The following CLSTN2 variants were observed in gnomAD, a reference collection of about 807,000 sequenced individuals.
CLSTN2 encodes the protein calsyntenin-2.
CLSTN2 carries 48 observed loss-of-function variants against 101.2 expected under a neutral mutation model. The observed-to-expected ratio is 0.47, with a 90% CI of 0.38 to 0.60. CLSTN2 has a LOEUF of 0.60. CLSTN2 is among the 20% of genes least tolerant of loss of function. The probability of loss-of-function intolerance (pLI) is 0.00; values close to 1 mark genes in which losing one functional copy is unlikely to be tolerated. For missense variants in CLSTN2, 1,160 were observed against 1,238.2 expected (o/e 0.94, Z 0.95); for synonymous variants, 481 against 463.6 (o/e 1.04, Z -0.48).
intron 2 of CLSTN2, among the ~76,000 whole-genome samples, chr3:140,197,610 T>C (rs2010662733): frequency 6.6e-6 from 1 of 152,178 alleles, no homozygotes; most frequent in Non-Finnish European, 1.5e-5. Flanking sequence ...TTACCCCTCT[T>C]ACTCTTCAGA....
At chr3:140,236,200 C>T (rs944438285) in intron 2 of CLSTN2, among the ~76,000 whole-genome samples, 4 of 152,040 alleles carry the variant, frequency 2.6e-5, no homozygotes, top group Admixed American at 2.0e-4. Context: ...ATTTTTTGTG[C>T]CATTATAAGA....
rs751138304 is a variant in CLSTN2 at position 140,563,220 on chromosome 3, G to A, written c.2482+17G>A. 1.9e-6 allele frequency: 3 copies of A among 1,612,454 alleles called. No homozygotes were observed. Among genetic ancestry groups the A allele is most frequent in the Non-Finnish European group, 2.5e-6 (3 of 1,179,124 alleles). ...ACAGTTCAGGTAGGGTGCCCAAGAGGAGGGACCCTCAGGACACAGGTCGTC... is the reference window on the plus strand; with the variant it reads ...ACAGTTCAGGTAGGGTGCCCAAGAGAAGGGACCCTCAGGACACAGGTCGTC... On this transcript the variant is annotated intron_variant, in intron 15 of 16. Coordinates refer to ENST00000458420, the MANE Select transcript of CLSTN2 (RefSeq NM_022131.3).
chr3:140,090,658 T>C (rs903741636), intron 1 of CLSTN2, among the ~76,000 whole-genome samples: 2 of 151,944 alleles, frequency 1.3e-5, no homozygotes, highest in African/African-American at 4.8e-5. Flanking sequence ...TAGGGAACAG[T>C]GAATCTCATG....
chr3:140,352,197 C>A (rs890577939), intron 2 of CLSTN2, among the ~76,000 whole-genome samples: 2 of 152,176 alleles, frequency 1.3e-5, no homozygotes, highest in African/African-American at 4.8e-5. Context: ...TAAGTGATAT[C>A]TCTTAATTAT....
chr3:140,516,670 G>T (rs1934923895), intron 8 of CLSTN2, among the ~76,000 whole-genome samples: 1 of 152,048 alleles, frequency 6.6e-6, no homozygotes. Flanking sequence ...TACAGATAGG[G>T]CCCCAATCCC....
intron 2 of CLSTN2, among the ~76,000 whole-genome samples, chr3:140,363,672 T>G (rs2087754542): frequency 6.6e-6 from 1 of 152,180 alleles, no homozygotes; most frequent in Non-Finnish European, 1.5e-5. Context: ...CAAGCCGGGT[T>G]CCTTCCCAAA....
intron 2 of CLSTN2, among the ~76,000 whole-genome samples, chr3:140,306,939 C>T (rs919513057): frequency 5.9e-5 from 9 of 151,654 alleles, no homozygotes; most frequent in Non-Finnish European, 1.2e-4. Flanking sequence ...TGTGTCCCCA[C>T]CCAAATCTCA....
chr3:140,565,453 G>A (rs981811182), intron 16 of CLSTN2, among the ~76,000 whole-genome samples: 2 of 152,190 alleles, frequency 1.3e-5, no homozygotes, highest in African/African-American at 4.8e-5. Flanking sequence ...AAGCTGGAGG[G>A]AGGGGGAATT....
intron 10 of CLSTN2, among the ~76,000 whole-genome samples, chr3:140,548,261 A>G (rs1388460669): frequency 6.6e-6 from 1 of 152,254 alleles, no homozygotes; most frequent in Non-Finnish European, 1.5e-5. Flanking sequence ...CCAAGCAGAC[A>G]TTTGTAATCC....
intron 1 of CLSTN2, among the ~76,000 whole-genome samples, chr3:140,089,862 A>G (rs544362278): frequency 6.6e-5 from 10 of 150,902 alleles, no homozygotes; most frequent in African/African-American, 2.2e-4. Context: ...TCTGTGTAAG[A>G]GTTAAAGAAA....
At chr3:140,518,736 C>T (rs944351079) in intron 8 of CLSTN2, among the ~76,000 whole-genome samples, 1 of 152,174 alleles carries the variant, frequency 6.6e-6, no homozygotes, top group Non-Finnish European at 1.5e-5. Flanking sequence ...TGGTATGTTC[C>T]TGTGGGTAGT....
At chr3:140,089,572 T>A (rs1167835446) in intron 1 of CLSTN2, among the ~76,000 whole-genome samples, 3 of 150,954 alleles carry the variant, frequency 2.0e-5, no homozygotes, top group African/African-American at 7.3e-5. Context: ...GTCTTCCTTT[T>A]CAGCTGGTTT....
intron 1 of CLSTN2, among the ~76,000 whole-genome samples, chr3:140,171,973 T>C (rs2010244676): frequency 6.9e-6 from 1 of 145,092 alleles, no homozygotes; most frequent in Non-Finnish European, 1.5e-5. Context: ...TTTTCCTACT[T>C]ATTAATTTTT....
chr3:140,028,943 G>A (rs2007489059), intron 1 of CLSTN2, among the ~76,000 whole-genome samples: 1 of 152,114 alleles, frequency 6.6e-6, no homozygotes, highest in African/African-American at 2.4e-5. Context: ...GACCCATTAT[G>A]TGGTAGAAAA....
intron 8 of CLSTN2, among the ~76,000 whole-genome samples, chr3:140,511,691 AG>A: frequency 6.6e-6 from 1 of 150,920 alleles, no homozygotes; most frequent in East Asian, 1.9e-4. Flanking sequence ...CTGGGACTAC[AG>A]ATGCCAGCCA....
Position 139,935,371 on chromosome 3 carries a change from G to A in CLSTN2, c.-4G>A, listed in dbSNP as rs959460958. The A allele has an allele frequency of 2.9e-5, 36 of 1,226,772 alleles. No homozygotes were observed. The African/African-American group carries it at 5.3e-4, about 18-fold the overall frequency. The allele number at this position is 1,226,772 out of a possible 1,614,324, so 76.0% of individuals were successfully genotyped here. A position where few individuals can be genotyped will look rare whatever the true frequency, so the allele number is the denominator to read the frequency against. ...GCTGCAGCTCGTTGGCGGCTGCTGC[G>A]AGGATGCTGCCTGGGCGGCTGTGCT... On this transcript the variant is annotated 5_prime_UTR_variant, in exon 1 of 17. Coordinates refer to ENST00000458420, the MANE Select transcript of CLSTN2 (RefSeq NM_022131.3). This position sits in a 1 kb window ranked among gnomAD's most constrained non-coding sequence, Gnocchi z 5.5.
rs971623681 is a variant in CLSTN2, at chr3:140,574,056, G to A, written c.*7803G>A. ...AGAAGACTACCGACTTAGCTATTGT[G>A]GCACCACGGGAGCCTAGCACTGCAC... On this transcript the variant is annotated 3_prime_UTR_variant, in exon 17 of 17. Coordinates refer to ENST00000458420, the MANE Select transcript of CLSTN2 (RefSeq NM_022131.3). 6.6e-6 allele frequency: 1 copy of A among 152,204 alleles called. No homozygotes were observed. The highest frequency in any genetic ancestry group is 1.5e-5 in the Non-Finnish European group (1 of 68,052). The allele number at this position is 152,204 out of a possible 1,614,324, so 9.4% of individuals were successfully genotyped here.
intron 1 of CLSTN2, among the ~76,000 whole-genome samples, chr3:140,078,619 G>A (rs990884979): frequency 1.3e-5 from 2 of 152,174 alleles, no homozygotes; most frequent in Non-Finnish European, 2.9e-5. Context: ...TGACAGCGTG[G>A]TGATCTACCA....
At chr3:140,321,981 G>A (rs968672536) in intron 2 of CLSTN2, among the ~76,000 whole-genome samples, 1 of 152,186 alleles carries the variant, frequency 6.6e-6, no homozygotes, top group Non-Finnish European at 1.5e-5. Flanking sequence ...CAGGGCAGAT[G>A]CCAAGGCCCT....
Sources: gnomAD v4.1 joint callset for allele counts (sites outside exome capture counted in the v4.1 genomes callset) on GRCh38, gnomAD v4.1.1 for gene constraint, Gnocchi (gnomAD v3.1) non-coding constraint, MANE v1.5 for transcripts, NCBI Gene and HGNC (gene_info 2026-07-23, HGNC 2026-07-21) for gene names.